Variants in POU3F3 observed in about 807,000 individuals in gnomAD.
POU3F3 encodes POU class 3 homeobox 3.
Under a neutral mutation model 8.6 loss-of-function variants are expected in POU3F3, and 1 was observed. The ratio of observed to expected loss-of-function variants is 0.12; its 90% confidence interval spans 0.04 to 0.55. POU3F3 has a LOEUF of 0.55. POU3F3 is among the 20% of genes least tolerant of loss of function. The probability of loss-of-function intolerance (pLI) is 0.91; values close to 1 mark genes in which losing one functional copy is unlikely to be tolerated. For missense variants in POU3F3, 577 were observed against 690.7 expected (o/e 0.84, Z 1.84); for synonymous variants, 418 against 327.4 (o/e 1.28, Z -2.99).
chr2:104,874,176 A>C, the POU3F3 span, among the ~76,000 whole-genome samples: 1 of 152,126 alleles, frequency 6.6e-6, no homozygotes, highest in African/African-American at 2.4e-5. Context: ...GTCTCCTGGG[A>C]GGAAGGGGTA....
the POU3F3 span, chr2:104,867,926 T>C: frequency 8.6e-6 from 2 of 233,764 alleles, no homozygotes; most frequent in Non-Finnish European, 1.7e-5. The surrounding 1 kb of genome is among the most constrained non-coding windows in gnomAD (Gnocchi z 5.0). Flanking sequence ...GAGGTCCCCT[T>C]TGGTTCCCGA....
the POU3F3 span, among the ~76,000 whole-genome samples, chr2:104,916,855 A>G: frequency 6.6e-6 from 1 of 152,312 alleles, no homozygotes; most frequent in Non-Finnish European, 1.5e-5. Flanking sequence ...ATGCCCAGAT[A>G]GTTGGTAAAA....
chr2:104,907,013 C>T, the POU3F3 span, among the ~76,000 whole-genome samples: 1 of 152,146 alleles, frequency 6.6e-6, no homozygotes, highest in Non-Finnish European at 1.5e-5. Flanking sequence ...ATCATACGAA[C>T]ACCCCTACCT....
the POU3F3 span, among the ~76,000 whole-genome samples, chr2:104,920,020 T>A: frequency 5.3e-5 from 8 of 152,298 alleles, no homozygotes; most frequent in African/African-American, 1.9e-4. Context: ...TATTTATTTT[T>A]TTATTATTAT....
chr2:104,857,441 C>T lies in POU3F3; in HGVS notation c.*428C>T, dbSNP rs1573321737. 1.3e-5 allele frequency: 2 copies of T among 153,868 alleles called. No individual in the cohort carries two copies. The highest frequency in any genetic ancestry group is 4.8e-5 in the African/African-American group (2 of 41,544). 9.5% of individuals were successfully genotyped at this position (153,868 alleles called of 1,614,324 possible). On this transcript the variant is annotated 3_prime_UTR_variant, in exon 1 of 1. Coordinates refer to ENST00000361360, the MANE Select transcript of POU3F3 (RefSeq NM_006236.3). ...AAGAAGGGTGAAGATGCCTGACGCA[C>T]GAAAACTGCACTCGTGAGGTTTTTC...
At chr2:104,861,671 C>CTGTTAG (rs1676657288), downstream of POU3F3, among the ~76,000 whole-genome samples, 1 of 152,200 alleles carries the variant, frequency 6.6e-6, no homozygotes, top group Non-Finnish European at 1.5e-5. Flanking sequence ...GCCCTTTGTC[C>CTGTTAG]TAGTCCAGCT....
chr2:104,895,085 G>C, the POU3F3 span, among the ~76,000 whole-genome samples: 185 of 151,922 alleles, frequency 1.2e-3, no homozygotes, highest in Non-Finnish European at 2.3e-3. Flanking sequence ...GTGTGTGTGT[G>C]TGTGTGTGTG....
At chr2:104,922,276 C>T in the POU3F3 span, among the ~76,000 whole-genome samples, 3 of 149,210 alleles carry the variant, frequency 2.0e-5, no homozygotes, top group African/African-American at 7.4e-5. Flanking sequence ...TACAAAGAAA[C>T]AGGAAAGTAT....
Position 104,857,079 on chromosome 2 carries a change from G to A in POU3F3, c.*66G>A. 9.5e-7 allele frequency: 1 copy of A among 1,048,378 alleles called. No homozygotes were observed. The highest frequency in any genetic ancestry group is 1.1e-6 in the Non-Finnish European group (1 of 872,122). 64.9% of individuals were successfully genotyped at this position (1,048,378 alleles called of 1,614,324 possible). A position where few individuals can be genotyped will look rare whatever the true frequency, so the allele number is the denominator to read the frequency against. The stretch of plus-strand genomic sequence containing the variant: ...CTCCGCAGCCGCCGTCAGCACCGCC[G>A]CCGCCCCTGCCGCCGCCGCCGCCGC... On this transcript the variant is annotated 3_prime_UTR_variant, in exon 1 of 1. Transcript: ENST00000361360.
chr2:104,918,671 C>T, the POU3F3 span, among the ~76,000 whole-genome samples: 6 of 151,858 alleles, frequency 4.0e-5, no homozygotes, highest in Admixed American at 6.6e-5. Flanking sequence ...GATTCTCTCT[C>T]GCAGTCTCTG....
downstream of POU3F3, among the ~76,000 whole-genome samples, chr2:104,859,456 A>T (rs998080807): frequency 5.3e-5 from 8 of 152,238 alleles, no homozygotes; most frequent in African/African-American, 1.9e-4. Context: ...TATTGTACTT[A>T]AAAGTATTTA....
downstream of POU3F3, chr2:104,858,723 A>G (rs1201921245): frequency 6.6e-6 from 1 of 152,248 alleles, no homozygotes; most frequent in Non-Finnish European, 1.5e-5. Flanking sequence ...AGTAAAGCAT[A>G]GGCATTGCTG....
Position 104,855,383 on chromosome 2 carries a change from C to A in POU3F3, c.-128C>A. 2 of 194,162 alleles carry A rather than the reference C, an allele frequency of 1.0e-5. No homozygotes were observed. The highest frequency in any genetic ancestry group is 1.2e-5 in the Non-Finnish European group (2 of 162,154). 12.0% of individuals were successfully genotyped at this position (194,162 alleles called of 1,614,324 possible). A position where few individuals can be genotyped will look rare whatever the true frequency, so the allele number is the denominator to read the frequency against. The stretch of plus-strand genomic sequence containing the variant: ...GGCCGGCGGGGGCCCGGGGCGGGGG[C>A]GGGGAAGGAGGGGGGGAGGAGGCGG... On this transcript the variant is annotated 5_prime_UTR_variant, in exon 1 of 1. Coordinates refer to ENST00000361360, the MANE Select transcript of POU3F3 (RefSeq NM_006236.3).
chr2:104,864,112 C>T, the POU3F3 span, among the ~76,000 whole-genome samples: 1 of 152,210 alleles, frequency 6.6e-6, no homozygotes, highest in Non-Finnish European at 1.5e-5. Flanking sequence ...CCCCCAGGCC[C>T]CGTCTCCGCC....
At chr2:104,863,715 G>C in the POU3F3 span, among the ~76,000 whole-genome samples, 1 of 152,172 alleles carries the variant, frequency 6.6e-6, no homozygotes, top group Non-Finnish European at 1.5e-5. Flanking sequence ...AAATTGAGGT[G>C]GGGGGCGTAC....
chr2:104,916,751 A>G, the POU3F3 span, among the ~76,000 whole-genome samples: 1 of 152,134 alleles, frequency 6.6e-6, no homozygotes, highest in Non-Finnish European at 1.5e-5. Context: ...AGCAAGGATG[A>G]TCTGGGGCCA....
At position 104,855,856 on chromosome 2, in the gene POU3F3, G is replaced by C. The variant is rs1436863830; in HGVS notation, c.346G>C (p.Val116Leu). ...CGCCGCCGCTGCCGCCGCCGCCGCCGTGGAGGCGAGCTCGCCGTGGTCGGG... is the reference window on the plus strand; with the variant it reads ...CGCCGCCGCTGCCGCCGCCGCCGCCCTGGAGGCGAGCTCGCCGTGGTCGGG... ...AAAAAAAAAA[V>L]EASSPWSGSA... Residue 116 changes from valine to leucine, a missense_variant, in exon 1 of 1, where the codon GTG (valine) becomes CTG (leucine). This residue lies in a region of POU3F3 where 484 missense variants were observed against 422.6 expected (regional missense o/e 1.15). Transcript: ENST00000361360. 1.9e-6 allele frequency: 2 copies of C among 1,077,802 alleles called. No individual in the cohort carries two copies. The highest frequency in any genetic ancestry group is 1.1e-4 in the Admixed American group (2 of 17,482). The allele number at this position is 1,077,802 out of a possible 1,614,324, so 66.8% of individuals were successfully genotyped here.
At chr2:104,868,534 G>C in the POU3F3 span, 1 of 369,234 alleles carries the variant, frequency 2.7e-6, no homozygotes, top group Non-Finnish European at 5.4e-6. Flanking sequence ...GTCACCCACC[G>C]GCCAAGCCTC....
At chr2:104,868,748 C>T in the POU3F3 span, among the ~76,000 whole-genome samples, 1 of 152,110 alleles carries the variant, frequency 6.6e-6, no homozygotes, top group African/African-American at 2.4e-5. Context: ...TGACACAAGC[C>T]CCCACCCCTG....
Sources: allele counts gnomAD v4.1 joint callset (sites outside exome capture counted in the v4.1 genomes callset), GRCh38; gene constraint gnomAD v4.1.1; regional missense constraint gnomAD v4.1.1; non-coding constraint Gnocchi (gnomAD v3.1); transcripts MANE v1.5; gene names NCBI Gene and HGNC (gene_info 2026-07-23, HGNC 2026-07-21).